The following PCBP3 variants were observed in gnomAD, a reference collection of about 807,000 sequenced individuals.
PCBP3 encodes poly(rC)-binding protein 3.
Under a neutral mutation model 52.7 loss-of-function variants are expected in PCBP3, and 25 were observed. The ratio of observed to expected loss-of-function variants is 0.47; its 90% CI spans 0.35 to 0.66. The LOEUF is 0.66. PCBP3 is among the 30% of genes least tolerant of loss of function. The pLI is 0.01. For missense variants in PCBP3, 391 were observed against 490.3 expected (o/e 0.80, Z 1.91); for synonymous variants, 162 against 183.0 (o/e 0.89, Z 0.93).
intron 4 of PCBP3, among the ~76,000 whole-genome samples, 165 bp from the exon 5 acceptor site, chr21:45,849,796 G>A (rs1031694412): frequency 2.6e-5 from 4 of 152,246 alleles, no homozygotes; most frequent in East Asian, 3.9e-4. Flanking sequence ...AGGGGGGAGC[G>A]CTTGCTGGCA....
At chr21:45,789,307 C>T (rs562706887) in intron 4 of PCBP3, among the ~76,000 whole-genome samples, 3 of 152,188 alleles carry the variant, frequency 2.0e-5, no homozygotes, top group East Asian at 3.9e-4. Context: ...CGCATGTGTG[C>T]GAGGGTGAGT....
intron 2 of PCBP3, among the ~76,000 whole-genome samples, chr21:45,692,609 TA>T (rs1045931930): frequency 6.6e-6 from 1 of 152,106 alleles, no homozygotes; most frequent in African/African-American, 2.4e-5. Flanking sequence ...AAGAAATAAA[TA>T]ACCTGAATAG....
intron 4 of PCBP3, among the ~76,000 whole-genome samples, chr21:45,808,500 C>T (rs1270279155): frequency 3.3e-5 from 5 of 152,280 alleles, no homozygotes; most frequent in Admixed American, 2.0e-4. Context: ...TACCATCTCA[C>T]ATCAGTTAGA....
At chr21:45,922,625 T>C (rs1472820405) in intron 13 of PCBP3, among the ~76,000 whole-genome samples, 1 of 152,236 alleles carries the variant, frequency 6.6e-6, no homozygotes, top group Non-Finnish European at 1.5e-5. Context: ...AATCACTCCC[T>C]TACTTAACGT....
chr21:45,717,903 T>G (rs1417212864), intron 2 of PCBP3, among the ~76,000 whole-genome samples: 1 of 152,128 alleles, frequency 6.6e-6, no homozygotes. Flanking sequence ...TGTGAGGGGT[T>G]GTTGTTAATT....
chr21:45,816,661 G>C (rs888304285), intron 4 of PCBP3, among the ~76,000 whole-genome samples: 1 of 150,766 alleles, frequency 6.6e-6, no homozygotes, highest in South Asian at 2.1e-4. Context: ...AGTAACAGGC[G>C]TGGAGCTGTC....
At chr21:45,843,107 C>T (rs1754409032) in intron 4 of PCBP3, among the ~76,000 whole-genome samples, 1 of 150,746 alleles carries the variant, frequency 6.6e-6, no homozygotes, top group Admixed American at 6.6e-5. Context: ...GTGTCATTCT[C>T]CAAATCCCAA....
At position 45,929,852 on chromosome 21, in the gene PCBP3, T is replaced by C. The variant is rs1603540098; in HGVS notation, c.718-65T>C. On this transcript the variant is annotated intron_variant, in intron 13 of 17. Transcript: ENST00000681687. ...GTGCAAAGTTCTGTTACTGCCGTTT[T>C]AATTTGGTGTGACTTGTACTCGATG... 2.4e-6 allele frequency: 3 copies of C among 1,227,682 alleles called. No homozygotes were observed. The East Asian group carries it at 7.0e-5, about 29-fold the overall frequency. The allele number at this position is 1,227,682 out of a possible 1,614,324, so 76.0% of individuals were successfully genotyped here.
chr21:45,760,040 A>G (rs2088471030), intron 4 of PCBP3: 3 of 152,194 alleles, frequency 2.0e-5, no homozygotes, highest in African/African-American at 7.2e-5. Flanking sequence ...AGTTTTTGCC[A>G]TTAACCTGCA....
rs1271138920 is a variant in PCBP3, at chr21:45,817,969, G to A, written c.-125-31992G>A. Among the ~76,000 whole-genome samples the A allele has an allele frequency of 6.6e-6, 1 of 152,114 alleles. No individual in the cohort carries two copies. Among genetic ancestry groups the A allele is most frequent in the Non-Finnish European group, 1.5e-5 (1 of 68,020 alleles). On this transcript the variant is annotated intron_variant, in intron 4 of 17. Coordinates refer to ENST00000681687, the MANE Select transcript of PCBP3 (RefSeq NM_001384156.1). This position sits in a 1 kb window ranked among gnomAD's most constrained non-coding sequence, Gnocchi z 4.3. ...CCTCCCCTCATACAGAGCTTCTCCT[G>A]TTACGTACATCTTGCCTCAAGTGTG...
intron 6 of PCBP3, among the ~76,000 whole-genome samples, chr21:45,899,023 A>G (rs968577146): frequency 6.8e-6 from 1 of 147,740 alleles, no homozygotes; most frequent in Non-Finnish European, 1.5e-5. Context: ...GACAGGCCAC[A>G]GTAGCACCTG....
chr21:45,823,801 G>A (rs2093223036), intron 4 of PCBP3, among the ~76,000 whole-genome samples: 1 of 151,920 alleles, frequency 6.6e-6, no homozygotes, highest in South Asian at 2.1e-4. Context: ...GAGTGCAATA[G>A]CATGATCTCG....
chr21:45,890,446 A>G (rs774527519), intron 5 of PCBP3, among the ~76,000 whole-genome samples: 2 of 152,158 alleles, frequency 1.3e-5, no homozygotes, highest in Non-Finnish European at 2.9e-5. Context: ...GGGAATGTGG[A>G]TAATAGAACC....
chr21:45,717,647 G>T (rs1429832441), intron 2 of PCBP3, among the ~76,000 whole-genome samples: 3 of 152,010 alleles, frequency 2.0e-5, no homozygotes, highest in Non-Finnish European at 4.4e-5. Context: ...ATCGATTTTT[G>T]GATATTAAGC....
intron 4 of PCBP3, among the ~76,000 whole-genome samples, chr21:45,785,733 C>T (rs2091096542): frequency 7.2e-5 from 11 of 152,080 alleles, no homozygotes; most frequent in Admixed American, 7.2e-4. Context: ...CGGATGGTTG[C>T]CGTGTCTGTG....
chr21:45,847,202 T>C (rs1473303137), intron 4 of PCBP3, among the ~76,000 whole-genome samples: 1 of 152,228 alleles, frequency 6.6e-6, no homozygotes, highest in Non-Finnish European at 1.5e-5. Flanking sequence ...GTCCCTTGTT[T>C]CTTCCTCTGA....
intron 1 of PCBP3, among the ~76,000 whole-genome samples, chr21:45,662,135 AT>A (rs1186762504): frequency 2.0e-5 from 3 of 151,878 alleles, no homozygotes; most frequent in African/African-American, 7.3e-5. Flanking sequence ...CTTTTAAGTT[AT>A]TATTAAGTCC....
intron 4 of PCBP3, among the ~76,000 whole-genome samples, chr21:45,842,128 T>C (rs1410515263): frequency 6.6e-6 from 1 of 152,234 alleles, no homozygotes; most frequent in African/African-American, 2.4e-5. Flanking sequence ...TGAATCTTCA[T>C]TGTGTATTTC....
At position 45,896,212 on chromosome 21, in the gene PCBP3, C is replaced by T. The variant is rs113211675; in HGVS notation, c.15C>T (p.Asp5=). Residue 5 remains aspartate, a synonymous_variant, in exon 6 of 18, where the codon GAC becomes GAT. Transcript: ENST00000681687. MGEG[D]AFWAPSVLPH... is the part of the protein sequence containing the mutation. ...AGCTGTGCCTTCTCTCTCCAGGTGA[C>T]GCCTTCTGGGCCCCATCTGTCCTTC... The T allele has an allele frequency of 1.3e-3, 2,079 of 1,551,550 alleles. 17 individuals carry two copies. In the African/African-American group the frequency reaches 0.02, roughly 15 times the overall value.
Sources: gnomAD v4.1 joint callset for allele counts (sites outside exome capture counted in the v4.1 genomes callset) on GRCh38, gnomAD v4.1.1 for gene constraint, Gnocchi (gnomAD v3.1) non-coding constraint, MANE v1.5 for transcripts, NCBI Gene and HGNC (gene_info 2026-07-23, HGNC 2026-07-21) for gene names.